Variants in CCDC171 observed in about 807,000 individuals in gnomAD.
CCDC171 encodes the protein coiled-coil domain containing 171, also known as coiled-coil domain-containing protein 171.
CCDC171 carries 177 observed loss-of-function variants against 168.2 expected under a neutral mutation model. That is an observed-to-expected ratio of 1.05 (90% CI 0.93 to 1.19). The LOEUF (loss-of-function observed/expected upper bound fraction) is 1.19, where lower values mean the gene tolerates loss of function less well. Among genes scored for constraint, CCDC171 ranks in the 50% most tolerant of loss-of-function variants. The pLI, the probability that CCDC171 is intolerant of heterozygous loss-of-function variation, is 0.00. For missense variants in CCDC171, 1,991 were observed against 1,539.0 expected, an observed-to-expected ratio of 1.29 and a Z score of -4.91; for synonymous variants, 687 against 540.8, an observed-to-expected ratio of 1.27 and a Z score of -3.75.
intron 15 of CCDC171, 102 bp downstream of exon 15, chr9:15,728,138 A>G: frequency 1.1e-6 from 1 of 895,410 alleles, no homozygotes; most frequent in East Asian, 2.6e-5. Context: ...TTTCAAAAAG[A>G]ATTTGGATGT....
At chr9:15,745,652 T>G in intron 18 of CCDC171, 21 bp downstream of exon 18, 1 of 1,408,840 alleles carries the variant, frequency 7.1e-7, no homozygotes, top group South Asian at 1.3e-5. Context: ...TTCTTTTATG[T>G]CCTTGCAAAA....
rs1228987990 is a variant in CCDC171 at position 15,822,041 on chromosome 9, T to C, written c.3268-24661T>C. Among the ~76,000 whole-genome samples the C allele has an allele frequency of 4.6e-5, 7 of 152,242 alleles. No individual in the cohort carries two copies. The East Asian group carries it at 1.4e-3, about 29-fold the overall frequency. On this transcript the variant is annotated intron_variant, in intron 21 of 25. Coordinates refer to ENST00000380701, the MANE Select transcript of CCDC171 (RefSeq NM_173550.4). ...AGAAATAATGCTGCATATCTACAAC[T>C]ATCTGATCTTTGACAAACCTGAGAA...
chr9:15,698,332 T>C (rs930290851), intron 11 of CCDC171, among the ~76,000 whole-genome samples: 30 of 152,126 alleles, frequency 2.0e-4, no homozygotes, highest in African/African-American at 6.3e-4. Context: ...CCATCCTGGC[T>C]AACACGGTGA....
chr9:15,801,834 A>T (rs1220167061), intron 21 of CCDC171, among the ~76,000 whole-genome samples: 11 of 151,850 alleles, frequency 7.2e-5, no homozygotes, highest in African/African-American at 2.4e-4. Flanking sequence ...TCATGAAGGG[A>T]TGTTGAATTT....
chr9:15,789,899 G>C (rs926428126), intron 21 of CCDC171, among the ~76,000 whole-genome samples: 5 of 151,976 alleles, frequency 3.3e-5, no homozygotes, highest in African/African-American at 1.2e-4. Context: ...ATGGTTTCCA[G>C]CTTCATCCAT....
intron 1 of CCDC171, among the ~76,000 whole-genome samples, chr9:16,049,318 A>G (rs529081148): frequency 1.3e-5 from 2 of 152,318 alleles, no homozygotes; most frequent in East Asian, 1.9e-4. Context: ...TTAGGTGTCA[A>G]TTTGACTGAA....
chr9:15,918,717 C>T (rs1405196265), intron 24 of CCDC171, among the ~76,000 whole-genome samples: 3 of 151,470 alleles, frequency 2.0e-5, no homozygotes, highest in Non-Finnish European at 3.0e-5. Context: ...CATTTGTGTA[C>T]TTCACCCTTT....
At chr9:15,585,620 G>A (rs1280506042) in intron 4 of CCDC171, among the ~76,000 whole-genome samples, 1 of 152,122 alleles carries the variant, frequency 6.6e-6, no homozygotes, top group Non-Finnish European at 1.5e-5. Flanking sequence ...GAGTATGAGG[G>A]TACTTTTTGG....
At chr9:15,930,369 A>G (rs1249594502) in intron 25 of CCDC171, among the ~76,000 whole-genome samples, 1 of 151,576 alleles carries the variant, frequency 6.6e-6, no homozygotes, top group Non-Finnish European at 1.5e-5. Context: ...CTTTTAAATA[A>G]TATACATTGG....
intron 11 of CCDC171, among the ~76,000 whole-genome samples, chr9:15,714,123 C>T (rs935367729): frequency 3.9e-5 from 6 of 152,084 alleles, no homozygotes; most frequent in East Asian, 1.9e-4. Flanking sequence ...TATTCTGCAG[C>T]GGCTGAGTTA....
At chr9:15,614,904 C>T (rs931323412) in intron 6 of CCDC171, among the ~76,000 whole-genome samples, 9 of 152,060 alleles carry the variant, frequency 5.9e-5, no homozygotes, top group Non-Finnish European at 1.3e-4. Flanking sequence ...TACTATGGAT[C>T]ATTAAATAGA....
rs910978314 is a variant in CCDC171 at position 16,036,700 on chromosome 9, C to G, written n.1181+494C>G. Among the ~76,000 whole-genome samples, 3 of 152,314 alleles carry G rather than the reference C, an allele frequency of 2.0e-5. No individual in the cohort carries two copies. In the East Asian group the frequency reaches 5.8e-4, roughly 29 times the overall value. ...CCTATCTTAACTAGCACCAAAAATT[C>G]TCTCAGTTGTCAATCAAGAATTCTG... On this transcript the variant is annotated intron_variant and non_coding_transcript_variant, in intron 8 of 9. Transcript: ENST00000486641.
At chr9:15,646,071 G>T (rs1225491378) in intron 7 of CCDC171, among the ~76,000 whole-genome samples, 1 of 152,206 alleles carries the variant, frequency 6.6e-6, no homozygotes, top group Non-Finnish European at 1.5e-5. Flanking sequence ...CTACAAGCCA[G>T]AAGAGAGTGG....
intron 7 of CCDC171, among the ~76,000 whole-genome samples, chr9:15,648,133 C>A (rs866768382): frequency 6.6e-6 from 1 of 152,140 alleles, no homozygotes; most frequent in African/African-American, 2.4e-5. Context: ...ATAAACAGAA[C>A]CAATGACAAA....
intron 1 of CCDC171, among the ~76,000 whole-genome samples, chr9:15,558,549 A>G (rs2039000809): frequency 6.6e-6 from 1 of 152,068 alleles, no homozygotes; most frequent in South Asian, 2.1e-4. Context: ...CTCTGATGGT[A>G]GTTTGTATTT....
intron 9 of CCDC171, 125 bp downstream of exon 9, chr9:15,666,448 A>G (rs1049535840): frequency 6.5e-6 from 4 of 616,774 alleles, no homozygotes; most frequent in Non-Finnish European, 8.1e-6. Context: ...GACTGGGGCA[A>G]GTGACTTCAT....
intron 18 of CCDC171, among the ~76,000 whole-genome samples, chr9:15,757,130 G>A (rs976729118): frequency 1.3e-5 from 2 of 152,204 alleles, no homozygotes; most frequent in Non-Finnish European, 2.9e-5. Context: ...AAGCGACTTT[G>A]GAACTGGGTA....
the CCDC171 span, among the ~76,000 whole-genome samples, chr9:16,081,981 G>C: frequency 6.6e-6 from 1 of 152,060 alleles, no homozygotes; most frequent in East Asian, 1.9e-4. Flanking sequence ...AGTAGAAATG[G>C]TCACTTTACA....
intron 7 of CCDC171, among the ~76,000 whole-genome samples, chr9:15,648,199 C>T (rs544285939): frequency 7.2e-5 from 11 of 152,240 alleles, no homozygotes; most frequent in African/African-American, 2.2e-4. Flanking sequence ...ATTCAACAGC[C>T]CTTCATGCTA....
Sources: gnomAD v4.1 joint callset for allele counts (sites outside exome capture counted in the v4.1 genomes callset) on GRCh38, gnomAD v4.1.1 for gene constraint, MANE v1.5 for transcripts, NCBI Gene and HGNC (gene_info 2026-07-23, HGNC 2026-07-21) for gene names.